The following ESRRG variants were observed in gnomAD, a reference collection of about 807,000 sequenced individuals.
ESRRG encodes estrogen-related receptor gamma.
ESRRG carries 13 observed loss-of-function variants against 44.0 expected under a neutral mutation model. That is an observed-to-expected ratio of 0.30 (90% confidence interval 0.19 to 0.47). The LOEUF (loss-of-function observed/expected upper bound fraction) is 0.47, where lower values mean the gene tolerates loss of function less well. Ranked by LOEUF, ESRRG falls within the 20% of genes least tolerant of loss-of-function variation. The pLI is 1.00. For missense variants in ESRRG, 395 were observed against 580.6 expected, an observed-to-expected ratio of 0.68 and a Z score of 3.29; for synonymous variants, 215 against 214.6, an observed-to-expected ratio of 1.00 and a Z score of -0.02.
intron 2 of ESRRG, among the ~76,000 whole-genome samples, chr1:216,928,828 C>A (rs754826139): frequency 3.3e-5 from 5 of 152,192 alleles, no homozygotes; most frequent in Non-Finnish European, 7.3e-5. Context: ...CTTGAAGACA[C>A]TACTCTGAGT....
chr1:216,740,790 G>A (rs1434627073), intron 2 of ESRRG, among the ~76,000 whole-genome samples: 3 of 152,090 alleles, frequency 2.0e-5, no homozygotes, highest in South Asian at 2.1e-4. Context: ...TATTTGTAGT[G>A]TTTTCCTCAC....
chr1:217,019,080 A>G (rs2079886932), intron 1 of ESRRG, among the ~76,000 whole-genome samples: 1 of 152,172 alleles, frequency 6.6e-6, no homozygotes, highest in South Asian at 2.1e-4. Flanking sequence ...AAGTTGGAGA[A>G]AAGTTCAGAT....
At chr1:216,606,913 G>A (rs964656519) in intron 3 of ESRRG, among the ~76,000 whole-genome samples, 1 of 152,172 alleles carries the variant, frequency 6.6e-6, no homozygotes, top group African/African-American at 2.4e-5. Flanking sequence ...CCACTGTTGA[G>A]GGGTGGAAAG....
intron 2 of ESRRG, among the ~76,000 whole-genome samples, chr1:216,872,944 C>G (rs2096278582): frequency 6.6e-6 from 1 of 152,120 alleles, no homozygotes; most frequent in Non-Finnish European, 1.5e-5. Context: ...ATATGTGATA[C>G]TTTTGTTTTA....
chr1:216,787,164 C>T (rs922760422), intron 2 of ESRRG, among the ~76,000 whole-genome samples: 3 of 152,106 alleles, frequency 2.0e-5, no homozygotes, highest in African/African-American at 7.2e-5. Flanking sequence ...GCACCACGAC[C>T]TGTGCCCATA....
chr1:217,093,720 C>T (rs529695168), upstream of ESRRG, among the ~76,000 whole-genome samples: 4 of 151,670 alleles, frequency 2.6e-5, no homozygotes, highest in African/African-American at 9.7e-5. Flanking sequence ...GAAGTCAAGG[C>T]TACAGTAAGC....
chr1:216,510,356 A>T (rs2042339304), intron 6 of ESRRG, among the ~76,000 whole-genome samples: 1 of 152,220 alleles, frequency 6.6e-6, no homozygotes, highest in Non-Finnish European at 1.5e-5. Flanking sequence ...TATTGCCCAC[A>T]TATTAAGTCT....
intron 1 of ESRRG, among the ~76,000 whole-genome samples, chr1:216,694,560 T>C (rs899319181): frequency 1.3e-5 from 2 of 152,088 alleles, no homozygotes; most frequent in African/African-American, 2.4e-5. Flanking sequence ...TTTTATTTTA[T>C]TTTATTTTAT....
intron 2 of ESRRG, among the ~76,000 whole-genome samples, chr1:216,920,424 A>C (rs1008211078): frequency 7.1e-6 from 1 of 141,228 alleles, no homozygotes; most frequent in Non-Finnish European, 1.5e-5. Context: ...GTGTGTGCGC[A>C]TATTTTTCTG....
intron 1 of ESRRG, among the ~76,000 whole-genome samples, chr1:216,957,677 G>A (rs928767732): frequency 1.4e-4 from 21 of 152,108 alleles, no homozygotes; most frequent in African/African-American, 5.1e-4. Context: ...CCTGGACCAG[G>A]GCAACAGCAT....
At chr1:217,013,140 A>G (rs2078875104) in intron 1 of ESRRG, among the ~76,000 whole-genome samples, 1 of 152,242 alleles carries the variant, frequency 6.6e-6, no homozygotes, top group South Asian at 2.1e-4. Flanking sequence ...GAAAGGCTCT[A>G]TCCCCAAACG....
chr1:217,069,034 G>T (rs1347027730), intron 1 of ESRRG, among the ~76,000 whole-genome samples: 2 of 152,214 alleles, frequency 1.3e-5, no homozygotes, highest in Non-Finnish European at 2.9e-5. Flanking sequence ...AGGATGCAAA[G>T]TATTTATCCT....
In ESRRG at chr1:216,834,143, G is replaced by A. The variant is rs113667779; in HGVS notation, c.-14+105439C>T. ...GGGACGGGTGCTGTGGCTCACTCCT[G>A]TAATCCCAGCACTCTGGAAGGCTGA... On this transcript the variant is annotated intron_variant, in intron 2 of 7. Transcript: ENST00000359162. Among the ~76,000 whole-genome samples, 878 of 152,320 alleles carry A rather than the reference G, an allele frequency of 5.8e-3. 5 individuals carry two copies. The highest frequency in any genetic ancestry group is 0.02 in the African/African-American group (830 of 41,580).
chr1:217,059,907 T>A (rs1447666042), intron 1 of ESRRG, among the ~76,000 whole-genome samples: 1 of 152,036 alleles, frequency 6.6e-6, no homozygotes, highest in Non-Finnish European at 1.5e-5. Context: ...ATTTTTTAAA[T>A]GGGAAAGACT....
At chr1:216,718,780 T>C (rs2085485925) in intron 1 of ESRRG, among the ~76,000 whole-genome samples, 1 of 152,002 alleles carries the variant, frequency 6.6e-6, no homozygotes, top group Admixed American at 6.6e-5. Flanking sequence ...ATCAACATTG[T>C]ATTGTTTCTC....
At chr1:216,952,955 C>G (rs1578588074) in intron 1 of ESRRG, among the ~76,000 whole-genome samples, 1 of 152,060 alleles carries the variant, frequency 6.6e-6, no homozygotes, top group Non-Finnish European at 1.5e-5. Context: ...CTCACAATCA[C>G]TCACATTGGG....
chr1:217,069,770 G>C (rs534245766), intron 1 of ESRRG, among the ~76,000 whole-genome samples: 46 of 152,192 alleles, frequency 3.0e-4, no homozygotes, highest in African/African-American at 1.1e-3. Context: ...AACTCTCTAG[G>C]GAAGACACCA....
intron 2 of ESRRG, among the ~76,000 whole-genome samples, chr1:216,748,776 G>A (rs1396636516): frequency 1.3e-5 from 2 of 152,204 alleles, no homozygotes; most frequent in South Asian, 4.2e-4. Flanking sequence ...TGAGGCAGAC[G>A]ACGCACAGAA....
intron 5 of ESRRG, among the ~76,000 whole-genome samples, chr1:216,556,708 C>CATGGGA (rs2057661260): frequency 6.6e-6 from 1 of 152,094 alleles, no homozygotes; most frequent in Admixed American, 6.6e-5. Context: ...TCTAAGTCTC[C>CATGGGA]ATGTGACTCT....
Sources: gnomAD v4.1 joint callset for allele counts (sites outside exome capture counted in the v4.1 genomes callset) on GRCh38, gnomAD v4.1.1 for gene constraint, MANE v1.5 for transcripts, NCBI Gene and HGNC (gene_info 2026-07-23, HGNC 2026-07-21) for gene names.